The following LETM1 variants were observed in gnomAD, a reference collection of about 807,000 sequenced individuals.
LETM1 encodes leucine zipper and EF-hand containing transmembrane protein 1.
Under a neutral mutation model 74.5 loss-of-function variants are expected in LETM1, and 50 were observed. That is an observed-to-expected ratio of 0.67 (90% CI 0.53 to 0.85). LETM1 has a LOEUF of 0.85. Among genes scored for constraint, LETM1 ranks in the 40% least tolerant of loss-of-function variants. The probability of loss-of-function intolerance (pLI) is 0.00; values close to 1 mark genes in which losing one functional copy is unlikely to be tolerated. For synonymous variants in LETM1, 446 were observed against 407.1 expected (o/e 1.10, Z -1.15); for missense variants, 824 against 967.8 (o/e 0.85, Z 1.97).
chr4:1,846,583 T>C (rs1369602174), intron 2 of LETM1: 2 of 152,238 alleles, frequency 1.3e-5, no homozygotes, highest in Non-Finnish European at 2.9e-5. Flanking sequence ...TGTTTTAGTA[T>C]GAAATTTAAA....
In LETM1 at chr4:1,815,751, C is replaced by T; in HGVS notation, c.1983G>A (p.Lys661=). ...AELINAMKQV[K]HIPESKLTSL... is the part of the protein sequence containing the mutation. ...TGGTGAGCTTGCTTTCGGGAATGTG[C>T]TTGACTTGCTTCATGGCGTTGATGA... Residue 661 remains lysine (K), a synonymous_variant, in exon 13 of 14, where the codon AAG becomes AAA. Coordinates refer to ENST00000302787, the MANE Select transcript of LETM1 (RefSeq NM_012318.3). 2 of 1,614,218 alleles carry T rather than the reference C, an allele frequency of 1.2e-6. No individual in the cohort carries two copies. Among genetic ancestry groups the T allele is most frequent in the Non-Finnish European group, 1.7e-6 (2 of 1,180,018 alleles).
intron 9 of LETM1, chr4:1,822,561 C>A: frequency 2.7e-6 from 1 of 371,326 alleles, no homozygotes. Flanking sequence ...CCCAAGCTGC[C>A]CTGTCACTTG....
intron 6 of LETM1, among the ~76,000 whole-genome samples, chr4:1,826,240 C>T (rs1711981064): frequency 6.6e-6 from 1 of 152,212 alleles, no homozygotes; most frequent in Non-Finnish European, 1.5e-5. Context: ...TAGGCAGATG[C>T]CGGCAACAGG....
At position 1,834,347 on chromosome 4, in the gene LETM1, C is replaced by A. The variant is rs925668637; in HGVS notation, c.876+498G>T. 3.1e-6 allele frequency: 3 copies of A among 977,618 alleles called. No homozygotes were observed. The highest frequency in any genetic ancestry group is 1.8e-5 in the African/African-American group (1 of 57,070). 60.6% of individuals were successfully genotyped at this position (977,618 alleles called of 1,614,324 possible). A position where few individuals can be genotyped will look rare whatever the true frequency, so the allele number is the denominator to read the frequency against. ...CAGGGATCTCGGTCCGTGGCAGCTG[C>A]CGTCTCCCCATCCTCACCTCACTCA... On this transcript the variant is annotated intron_variant, in intron 5 of 13. Coordinates refer to ENST00000302787, the MANE Select transcript of LETM1 (RefSeq NM_012318.3). This position sits in a 1 kb window ranked among gnomAD's most constrained non-coding sequence, Gnocchi z 5.0.
At chr4:1,827,274 C>CTTTT (rs759264558) in intron 6 of LETM1, among the ~76,000 whole-genome samples, 1 of 103,728 alleles carries the variant, frequency 9.6e-6, no homozygotes, top group African/African-American at 3.5e-5. Context: ...ATTGACAGTT[C>CTTTT]TTTTTTTTTT....
At chr4:1,831,327 C>T (rs375207543) in intron 6 of LETM1, among the ~76,000 whole-genome samples, 3 of 152,218 alleles carry the variant, frequency 2.0e-5, no homozygotes, top group South Asian at 4.1e-4. Flanking sequence ...CAGACATCTG[C>T]GGGACAGCGG....
rs1257562752 is a variant in LETM1 at position 1,841,342 on chromosome 4, A to G, written c.594+5T>C. On this transcript the variant is annotated splice_donor_5th_base_variant and intron_variant, in intron 3 of 13. Transcript: ENST00000302787. ...AAAAGAAAGGACTAGACATGTCCCC[A>G]TTACCTGCCTGCGCTCCCGGCGGGT... 2.5e-6 allele frequency: 4 copies of G among 1,611,508 alleles called. No homozygotes were observed. Among genetic ancestry groups the G allele is most frequent in the Non-Finnish European group, 3.4e-6 (4 of 1,177,962 alleles).
In LETM1 at chr4:1,841,758, C is replaced by T. The variant is rs543155583; in HGVS notation, c.183G>A (p.Val61=). ...GGTGATCGCCTCTGGAGGATGTGTACACAGGGTGGATGGGAGTGCAGCAGC... is the reference window on the plus strand; with the variant it reads ...GGTGATCGCCTCTGGAGGATGTGTATACAGGGTGGATGGGAGTGCAGCAGC... ...PFGCCTPIHP[V]YTSSRGDHLG... is the part of the protein sequence containing the mutation. The change falls in exon 3 of 14, where the codon GTG becomes GTA. Residue 61 remains valine, a synonymous_variant. Coordinates refer to ENST00000302787, the MANE Select transcript of LETM1 (RefSeq NM_012318.3). 9.3e-6 allele frequency: 15 copies of T among 1,613,822 alleles called. No individual in the cohort carries two copies. The highest frequency in any genetic ancestry group is 1.3e-5 in the Non-Finnish European group (15 of 1,180,024).
At chr4:1,850,372 C>A (rs906245279) in intron 1 of LETM1, among the ~76,000 whole-genome samples, 1 of 152,094 alleles carries the variant, frequency 6.6e-6, no homozygotes, top group Admixed American at 6.6e-5. Flanking sequence ...GCCAAGCAGG[C>A]CAGCCCTAGG....
intron 4 of LETM1, 33 bp from the exon 5 acceptor site, chr4:1,835,015 T>C: frequency 1.9e-6 from 3 of 1,600,442 alleles, no homozygotes; most frequent in South Asian, 1.1e-5. Flanking sequence ...GCATTCCAAC[T>C]GCTCAGACTG....
chr4:1,814,946 GGCAGCT>G (rs1268131854), intron 13 of LETM1, among the ~76,000 whole-genome samples: 1 of 152,184 alleles, frequency 6.6e-6, no homozygotes, highest in Non-Finnish European at 1.5e-5. Flanking sequence ...GGAAGGGAAG[GGCAGCT>G]GTGCAGTAGA....
At chr4:1,826,892 T>C (rs1273097366) in intron 6 of LETM1, among the ~76,000 whole-genome samples, 2 of 152,214 alleles carry the variant, frequency 1.3e-5, no homozygotes, top group Non-Finnish European at 2.9e-5. Flanking sequence ...CAGCTCACTG[T>C]AGTGCAGTGG....
Position 1,826,566 on chromosome 4 carries a change from T to G in LETM1, c.1081-883A>C, listed in dbSNP as rs370813313. Among the ~76,000 whole-genome samples the G allele has an allele frequency of 2.0e-5, 3 of 152,258 alleles. No homozygotes were observed. In the East Asian group the frequency reaches 5.8e-4, roughly 29 times the overall value. ...CCATGTCTGCTGCTGTCACCTGGAG[T>G]GCTCTCTGAACAGGATCATGCAGGA... is the stretch of plus-strand genomic sequence containing the variant. On this transcript the variant is annotated intron_variant, in intron 6 of 13. Transcript: ENST00000302787.
At chr4:1,831,009 T>C (rs1712250729) in intron 6 of LETM1, among the ~76,000 whole-genome samples, 1 of 152,192 alleles carries the variant, frequency 6.6e-6, no homozygotes, top group South Asian at 2.1e-4. Context: ...CACTTCCCTA[T>C]GGTCCAGCTT....
chr4:1,814,658 C>T (rs1021921683), intron 13 of LETM1, 85 bp from the exon 14 acceptor site: 1 of 1,223,080 alleles, frequency 8.2e-7, no homozygotes, highest in Non-Finnish European at 1.2e-6. Context: ...CGTCAGTCGC[C>T]CCAGCTGGGG....
intron 3 of LETM1, among the ~76,000 whole-genome samples, chr4:1,839,644 G>A (rs1005222235): frequency 3.3e-5 from 5 of 152,174 alleles, no homozygotes; most frequent in Admixed American, 2.6e-4. Flanking sequence ...TCAGGCCTTG[G>A]GGGCAGGCCT....
rs181768841 is a variant in LETM1 at position 1,837,439 on chromosome 4, A to T, written c.595-867T>A. Among the ~76,000 whole-genome samples, 725 of 152,214 alleles carry T rather than the reference A, an allele frequency of 4.8e-3. 5 individuals carry two copies. Among genetic ancestry groups the T allele is most frequent in the African/African-American group, 0.017 (704 of 41,524 alleles). ...TATACATTCATTTTTCTGTTTTTTT[A>T]TCGCACTGGACCCATGGACTCCTGT... On this transcript the variant is annotated intron_variant, in intron 3 of 13. Coordinates refer to ENST00000302787, the MANE Select transcript of LETM1 (RefSeq NM_012318.3).
In LETM1 at chr4:1,836,019, G is replaced by T. The variant is rs893930666; in HGVS notation, c.738+410C>A. Reference sequence around the variant, plus strand: ...AAGTCCAGGAACTTGAGGCTGCAGTGAGCCGTGATCGCACCACTGCACTCC... The same window carrying T: ...AAGTCCAGGAACTTGAGGCTGCAGTTAGCCGTGATCGCACCACTGCACTCC... On this transcript the variant is annotated intron_variant, in intron 4 of 13. Coordinates refer to ENST00000302787, the MANE Select transcript of LETM1 (RefSeq NM_012318.3). This position sits in a 1 kb window ranked among gnomAD's most constrained non-coding sequence, Gnocchi z 5.8. Among the ~76,000 whole-genome samples the T allele has an allele frequency of 6.6e-6, 1 of 152,196 alleles. No homozygotes were observed. Among genetic ancestry groups the T allele is most frequent in the African/African-American group, 2.4e-5 (1 of 41,442 alleles).
rs911862590 is a variant in LETM1 at position 1,834,668 on chromosome 4, G to C, written c.876+177C>G. 4 of 1,435,810 alleles carry C rather than the reference G, an allele frequency of 2.8e-6. No individual in the cohort carries two copies. In the African/African-American group the frequency reaches 4.3e-5, roughly 15 times the overall value. 88.9% of individuals were successfully genotyped at this position (1,435,810 alleles called of 1,614,324 possible). ...GCCACCACAGCTTAACTCACTGGGA[G>C]CTCGTGGGGGCAGACTCCTGACACT... On this transcript the variant is annotated intron_variant, in intron 5 of 13. Transcript: ENST00000302787. The surrounding 1 kb of genome is among the most constrained non-coding windows in gnomAD (Gnocchi z 5.0).
Sources: gnomAD v4.1 joint callset for allele counts (sites outside exome capture counted in the v4.1 genomes callset) on GRCh38, gnomAD v4.1.1 for gene constraint, Gnocchi (gnomAD v3.1) non-coding constraint, MANE v1.5 for transcripts, NCBI Gene and HGNC (gene_info 2026-07-23, HGNC 2026-07-21) for gene names.